DCHS2: variants seen among roughly 807,000 people sequenced by gnomAD.
The protein encoded by DCHS2 is protocadherin-23.
In DCHS2, 142 loss-of-function variants were observed where a neutral mutation model predicts 182.4. The observed-to-expected ratio is 0.78, with a 90% CI of 0.68 to 0.89. The LOEUF (loss-of-function observed/expected upper bound fraction) is 0.89. Among genes scored for constraint, DCHS2 ranks in the 40% least tolerant of loss-of-function variants. DCHS2 has a pLI of 0.00. For synonymous variants in DCHS2, 1,740 were observed against 1,663.3 expected (o/e 1.05, Z -1.12); for missense variants, 4,319 against 4,198.6 (o/e 1.03, Z -0.79).
At position 154,365,714 on chromosome 4, in the gene DCHS2, A is replaced by G. The variant is rs141585992; in HGVS notation, c.2476+496T>C. ...ACCCAGGCTGGAGGGCAGTGGCGTG[A>G]TCTCAGCTCACTGCAACCTCGGTTT... On this transcript the variant is annotated intron_variant, in intron 3 of 19. Coordinates refer to ENST00000357232, the MANE Select transcript of DCHS2 (RefSeq NM_001358235.2). Among the ~76,000 whole-genome samples, 1,301 of 151,370 alleles carry G rather than the reference A, an allele frequency of 8.6e-3. 17 individuals carry two copies. Among genetic ancestry groups the G allele is most frequent in the African/African-American group, 0.028 (1,173 of 41,168 alleles).
chr4:154,315,649 G>A, intron 10 of DCHS2, 99 bp downstream of exon 10: 4 of 1,508,354 alleles, frequency 2.7e-6, no homozygotes, highest in Admixed American at 2.2e-5. Flanking sequence ...ACTAGCAACT[G>A]TTCATTTTTT....
intron 16 of DCHS2, among the ~76,000 whole-genome samples, chr4:154,243,730 C>G (rs1189629038): frequency 6.6e-6 from 1 of 152,176 alleles, no homozygotes; most frequent in East Asian, 1.9e-4. Flanking sequence ...ACAAGCCAGT[C>G]CCCTGTAGCC....
Position 154,236,514 on chromosome 4 carries a change from A to G in DCHS2, c.8138T>C (p.Phe2713Ser). ...AACTCCAGTGTTTTCTTCTAAGTAA[A>G]AATGTCCCTTCTCATTTCCAGAGAT... ...NIISGNEKGH[F>S]YLEENTGVLY... is the part of the protein sequence containing the mutation. The change falls in exon 20 of 20, where the codon TTT becomes TCT. Residue 2713 changes from phenylalanine to serine, a missense_variant. Transcript: ENST00000357232. 6.2e-7 allele frequency: 1 copy of G among 1,614,008 alleles called. No individual in the cohort carries two copies.
At position 154,366,205 on chromosome 4, in the gene DCHS2, C is replaced by T. The variant is rs776241797; in HGVS notation, c.2476+5G>A. On this transcript the variant is annotated splice_donor_5th_base_variant and intron_variant, in intron 3 of 19. Coordinates refer to ENST00000357232, the MANE Select transcript of DCHS2 (RefSeq NM_001358235.2). ...AAGGATGAAAACTGTTCCAAGATCACATACCTGTGGTGGAGTCAATGGTAA... is the reference window on the plus strand; with the variant it reads ...AAGGATGAAAACTGTTCCAAGATCATATACCTGTGGTGGAGTCAATGGTAA... The T allele has an allele frequency of 1.9e-6, 3 of 1,606,684 alleles. No individual in the cohort carries two copies. The highest frequency in any genetic ancestry group is 2.2e-5 in the South Asian group (2 of 90,904).
intron 1 of DCHS2, among the ~76,000 whole-genome samples, chr4:154,487,277 C>T (rs1281297930): frequency 6.6e-6 from 1 of 152,170 alleles, no homozygotes; most frequent in Non-Finnish European, 1.5e-5. Flanking sequence ...CCGGGCTCCT[C>T]TACATTTCTC....
At chr4:154,366,792 T>G (rs540115756) in intron 2 of DCHS2, among the ~76,000 whole-genome samples, 9 of 152,324 alleles carry the variant, frequency 5.9e-5, no homozygotes, top group East Asian at 5.8e-4. Context: ...AGAGCAGCTG[T>G]GAGGCAAAAA....
At chr4:154,377,143 C>T in intron 2 of DCHS2, 110 bp downstream of exon 2, 1 of 1,034,238 alleles carries the variant, frequency 9.7e-7, no homozygotes, top group Non-Finnish European at 1.4e-6. Flanking sequence ...GAGGTAGTGA[C>T]ACATGAAACA....
At chr4:154,299,391 TTAAAA>T (rs1735111359) in intron 12 of DCHS2, among the ~76,000 whole-genome samples, 2 of 152,334 alleles carry the variant, frequency 1.3e-5, no homozygotes, top group South Asian at 4.1e-4. Flanking sequence ...AGAATAAAAC[TTAAAA>T]TTGAACACAG....
At chr4:154,350,494 T>G (rs1248145128) in intron 3 of DCHS2, among the ~76,000 whole-genome samples, 2 of 152,202 alleles carry the variant, frequency 1.3e-5, no homozygotes, top group Non-Finnish European at 1.5e-5. Context: ...TTGAGTCATG[T>G]GCACACACTG....
chr4:154,312,978 G>A (rs1735723075), intron 10 of DCHS2, among the ~76,000 whole-genome samples: 1 of 152,096 alleles, frequency 6.6e-6, no homozygotes, highest in African/African-American at 2.4e-5. Flanking sequence ...AGGCGGTGCA[G>A]TTGTACACCT....
chr4:154,236,218 A>G lies in DCHS2; in HGVS notation c.8434T>C (p.Cys2812Arg). 1 of 1,613,992 alleles carries G rather than the reference A, an allele frequency of 6.2e-7. No individual in the cohort carries two copies. The highest frequency in any genetic ancestry group is 8.5e-7 in the Non-Finnish European group (1 of 1,179,958). ...GELTYSIVSP[C>R]FLTHGMSYDH... ...TAAGACATTCCATGAGTGAGAAAAC[A>G]GGGTGATACAATAGAATAGGTCAAT... The change falls in exon 20 of 20, where the codon TGT (cysteine) becomes CGT (arginine). Residue 2812 changes from cysteine to arginine, a missense_variant. By Grantham distance (180) the Cys-to-Arg change is radical. Transcript: ENST00000357232.
At chr4:154,367,179 C>T (rs1170394803) in intron 2 of DCHS2, among the ~76,000 whole-genome samples, 1 of 152,184 alleles carries the variant, frequency 6.6e-6, no homozygotes, top group Non-Finnish European at 1.5e-5. Context: ...CTCTGCAGGT[C>T]TCTGGAAGGA....
At chr4:154,415,673 C>T (rs1044358020) in intron 1 of DCHS2, among the ~76,000 whole-genome samples, 1 of 152,126 alleles carries the variant, frequency 6.6e-6, no homozygotes, top group Non-Finnish European at 1.5e-5. Flanking sequence ...ACGGTATCTC[C>T]AGGTCCCGAG....
chr4:154,343,670 C>T, intron 3 of DCHS2: 2 of 1,422,296 alleles, frequency 1.4e-6, no homozygotes, highest in Non-Finnish European at 1.8e-6. Flanking sequence ...GAGTTAGGAC[C>T]TTGCTCTGGA....
chr4:154,245,311 A>C (rs1732022032), intron 16 of DCHS2, among the ~76,000 whole-genome samples: 1 of 152,164 alleles, frequency 6.6e-6, no homozygotes, highest in African/African-American at 2.4e-5. Flanking sequence ...ACTACAGACA[A>C]TAAATGAAAC....
At chr4:154,380,464 T>C (rs1731119243) in intron 1 of DCHS2, among the ~76,000 whole-genome samples, 1 of 152,178 alleles carries the variant, frequency 6.6e-6, no homozygotes, top group Non-Finnish European at 1.5e-5. Flanking sequence ...CAAATATATC[T>C]TCTAAAGCCA....
chr4:154,359,828 C>T (rs571143124), intron 3 of DCHS2, among the ~76,000 whole-genome samples: 3 of 152,020 alleles, frequency 2.0e-5, no homozygotes, highest in Non-Finnish European at 4.4e-5. Flanking sequence ...CTGAGTTCTA[C>T]TTACTCAATT....
Position 154,235,078 on chromosome 4 carries a change from C to A in DCHS2, c.9574G>T (p.Ala3192Ser), listed in dbSNP as rs201121579. ...VLPQTVQKRE[A>S]KESILADVRK... ...ACGTCAGCCAGGATGCTCTCTTTTGCCTCTCTCTTCTGAACTGTCTGGGGT... is the reference window on the plus strand; with the variant it reads ...ACGTCAGCCAGGATGCTCTCTTTTGACTCTCTCTTCTGAACTGTCTGGGGT... The change falls in exon 20 of 20, where the codon GCA becomes TCA. Residue 3192 changes from alanine to serine, a missense_variant. Ala to Ser is a moderately conservative substitution (Grantham distance 99). Transcript: ENST00000357232. 1 of 1,613,946 alleles carries A rather than the reference C, an allele frequency of 6.2e-7. No homozygotes were observed. Among genetic ancestry groups the A allele is most frequent in the South Asian group, 1.1e-5 (1 of 91,064 alleles).
chr4:154,294,242 T>C (rs11938556), intron 13 of DCHS2, among the ~76,000 whole-genome samples: 149,103 of 152,232 alleles, frequency 0.98, 73,100 homozygotes, highest in Middle Eastern at 1. Flanking sequence ...GTTCAAGGCT[T>C]CTTAAAATTG....
Sources: allele counts gnomAD v4.1 joint callset (sites outside exome capture counted in the v4.1 genomes callset), GRCh38; gene constraint gnomAD v4.1.1; transcripts MANE v1.5; gene names NCBI Gene and HGNC (gene_info 2026-07-23, HGNC 2026-07-21).